The following PRKN variants were observed in gnomAD, a reference collection of about 807,000 sequenced individuals.
PRKN encodes the protein E3 ubiquitin-protein ligase parkin.
Under a neutral mutation model 59.5 loss-of-function variants are expected in PRKN, and 56 were observed. The observed-to-expected ratio is 0.94, with a 90% CI of 0.76 to 1.18. The LOEUF is 1.18. PRKN is among the 50% of genes most tolerant of loss of function. The pLI is 0.00. For synonymous variants in PRKN, 250 were observed against 222.1 expected (o/e 1.13, Z -1.12); for missense variants, 657 against 596.4 (o/e 1.10, Z -1.06).
chr6:162,666,385 C>A (rs1221586849), intron 1 of PRKN, among the ~76,000 whole-genome samples: 2 of 151,622 alleles, frequency 1.3e-5, no homozygotes, highest in Non-Finnish European at 2.9e-5. Flanking sequence ...CAGATGTGAA[C>A]TAAAATATCA....
chr6:161,519,246 C>G (rs1385515656), intron 9 of PRKN, among the ~76,000 whole-genome samples: 2 of 152,068 alleles, frequency 1.3e-5, no homozygotes, highest in African/African-American at 2.4e-5. Context: ...CCCTCTGAAT[C>G]CTGCTCACCT....
intron 7 of PRKN, among the ~76,000 whole-genome samples, chr6:161,718,483 C>T (rs1787082432): frequency 1.3e-5 from 2 of 152,088 alleles, no homozygotes; most frequent in Admixed American, 6.6e-5. Context: ...AATGATGGTG[C>T]CTTGGGAACC....
At chr6:162,176,282 T>C (rs1783530674) in intron 4 of PRKN, among the ~76,000 whole-genome samples, 2 of 152,218 alleles carry the variant, frequency 1.3e-5, no homozygotes, top group South Asian at 4.2e-4. Context: ...GGCTAGTGTT[T>C]TAAGTTGGTT....
chr6:162,531,959 T>A (rs74699600), intron 1 of PRKN, among the ~76,000 whole-genome samples: 176 of 145,022 alleles, frequency 1.2e-3, no homozygotes, highest in Middle Eastern at 0.011. Context: ...AAAAAAAAAA[T>A]GTAACAAAAC....
chr6:161,893,077 G>A (rs1380284370), intron 6 of PRKN, among the ~76,000 whole-genome samples: 3 of 152,190 alleles, frequency 2.0e-5, no homozygotes, highest in Non-Finnish European at 2.9e-5. Flanking sequence ...TCCTGACCTC[G>A]TGATCCACCT....
In PRKN at chr6:161,409,767, C is replaced by T. The variant is rs1479533333; in HGVS notation, c.1084-22890G>A. ...TGTTAGATGACAACCCCTTCAGCAC[C>T]GGCCTGAAGAAAGCGCAGGCCCAGT... On this transcript the variant is annotated intron_variant, in intron 9 of 11. Transcript: ENST00000366898. This position sits in a 1 kb window ranked among gnomAD's most constrained non-coding sequence, Gnocchi z 4.6. 1.3e-5 allele frequency among the ~76,000 whole-genome samples: 2 copies of T among 152,142 alleles called. No homozygotes were observed. Among genetic ancestry groups the T allele is most frequent in the African/African-American group, 2.4e-5 (1 of 41,402 alleles).
At chr6:161,957,431 T>A (rs892596058) in intron 6 of PRKN, among the ~76,000 whole-genome samples, 30 of 134,678 alleles carry the variant, frequency 2.2e-4, no homozygotes, top group Non-Finnish European at 3.0e-5. Flanking sequence ...TTTGTTTGTT[T>A]GTTTGTTTTT....
intron 2 of PRKN, among the ~76,000 whole-genome samples, chr6:162,441,370 C>T (rs1454750982): frequency 6.6e-6 from 1 of 152,144 alleles, no homozygotes; most frequent in Non-Finnish European, 1.5e-5. Flanking sequence ...AAGAACCCAT[C>T]CTTTTTGGCA....
At chr6:161,925,553 AGAGTG>A (rs754661467) in intron 6 of PRKN, among the ~76,000 whole-genome samples, 3 of 152,218 alleles carry the variant, frequency 2.0e-5, no homozygotes, top group Non-Finnish European at 2.9e-5. Flanking sequence ...GCTGGGCGAT[AGAGTG>A]AGACTCCATC....
chr6:161,541,926 A>G (rs1376025835), intron 9 of PRKN, among the ~76,000 whole-genome samples: 2 of 152,214 alleles, frequency 1.3e-5, no homozygotes, highest in Non-Finnish European at 2.9e-5. Flanking sequence ...TGGGTTAAAA[A>G]ATATACTTTT....
At chr6:162,506,423 G>A (rs1432905069) in intron 1 of PRKN, among the ~76,000 whole-genome samples, 2 of 152,124 alleles carry the variant, frequency 1.3e-5, no homozygotes, top group African/African-American at 4.8e-5. Flanking sequence ...AAGAGAATTT[G>A]ATTATTACAG....
At chr6:162,582,780 T>C (rs1029239508) in intron 1 of PRKN, among the ~76,000 whole-genome samples, 1 of 152,212 alleles carries the variant, frequency 6.6e-6, no homozygotes, top group Admixed American at 6.5e-5. Flanking sequence ...AAACTGTACC[T>C]TACATGTCTC....
chr6:162,319,112 T>A (rs969143197), intron 2 of PRKN, among the ~76,000 whole-genome samples: 3 of 151,986 alleles, frequency 2.0e-5, no homozygotes, highest in Non-Finnish European at 2.9e-5. Context: ...AAGTCACAAA[T>A]TGATTTTTTT....
chr6:161,887,755 G>A (rs904343451), intron 6 of PRKN, among the ~76,000 whole-genome samples: 13 of 151,830 alleles, frequency 8.6e-5, no homozygotes, highest in South Asian at 2.1e-4. Flanking sequence ...AATGACTGCC[G>A]GTAGAAATGC....
chr6:161,835,633 C>T (rs768398280), intron 6 of PRKN, among the ~76,000 whole-genome samples: 1 of 152,204 alleles, frequency 6.6e-6, no homozygotes, highest in East Asian at 1.9e-4. Flanking sequence ...TAGGCGGCAC[C>T]GGCTTATCCA....
intron 1 of PRKN, among the ~76,000 whole-genome samples, chr6:162,444,435 T>C (rs1283364987): frequency 1.3e-5 from 2 of 151,808 alleles, no homozygotes; most frequent in Admixed American, 1.3e-4. Context: ...AAACCTACAT[T>C]CCAGCATTTT....
At chr6:162,245,107 T>C (rs1323962062) in intron 3 of PRKN, among the ~76,000 whole-genome samples, 1 of 152,106 alleles carries the variant, frequency 6.6e-6, no homozygotes, top group Non-Finnish European at 1.5e-5. Context: ...TTCATTCTCT[T>C]AATAATCAAA....
intron 2 of PRKN, among the ~76,000 whole-genome samples, chr6:162,287,293 A>T (rs1055189731): frequency 6.6e-6 from 1 of 152,194 alleles, no homozygotes; most frequent in African/African-American, 2.4e-5. Flanking sequence ...ATTGCCAGGC[A>T]TGGGGGTTCT....
intron 4 of PRKN, among the ~76,000 whole-genome samples, chr6:162,136,407 C>T (rs1343164980): frequency 2.6e-5 from 4 of 152,104 alleles, no homozygotes; most frequent in Non-Finnish European, 5.9e-5. Flanking sequence ...GCCTTAGGTT[C>T]TGAATTCTGC....
Sources: allele counts gnomAD v4.1 joint callset (sites outside exome capture counted in the v4.1 genomes callset), GRCh38; gene constraint gnomAD v4.1.1; non-coding constraint Gnocchi (gnomAD v3.1); transcripts MANE v1.5; gene names NCBI Gene and HGNC (gene_info 2026-07-23, HGNC 2026-07-21).